The following NPAS4 variants were observed in gnomAD, a reference collection of about 807,000 sequenced individuals.
NPAS4 encodes the protein neuronal PAS domain protein 4.
A neutral mutation model predicts 64.0 loss-of-function variants in NPAS4; 10 were observed. That is an observed-to-expected ratio of 0.16 (90% confidence interval 0.10 to 0.26). The LOEUF is 0.26. Among genes scored for constraint, NPAS4 ranks in the 10% least tolerant of loss-of-function variants. The probability of loss-of-function intolerance (pLI) is 1.00; values close to 1 mark genes in which losing one functional copy is unlikely to be tolerated. For missense variants in NPAS4, 886 were observed against 992.6 expected (o/e 0.89, Z 1.44); for synonymous variants, 441 against 411.7 (o/e 1.07, Z -0.86).
Position 66,424,744 on chromosome 11 carries a change from G to A in NPAS4, c.1854G>A (p.Lys618=), listed in dbSNP as rs879464390. ...TCACACCTGAGGCCTCTCCAGTCAA[G>A]CAGAGTTTCTTCCACTACTCTGAAA... is the stretch of plus-strand genomic sequence containing the variant. The part of the protein sequence containing the change: ...GLLTPEASPV[K]QSFFHYSEKE... Residue 618 remains lysine, a synonymous_variant, in exon 7 of 8, where the codon AAG becomes AAA. Coordinates refer to ENST00000311034, the MANE Select transcript of NPAS4 (RefSeq NM_178864.4). The A allele has an allele frequency of 6.2e-7, 1 of 1,613,904 alleles. No individual in the cohort carries two copies. Among genetic ancestry groups the A allele is most frequent in the South Asian group, 1.1e-5 (1 of 91,044 alleles).
upstream of NPAS4, among the ~76,000 whole-genome samples, chr11:66,420,769 G>A (rs1329826665): frequency 6.6e-6 from 1 of 152,142 alleles, no homozygotes; most frequent in Non-Finnish European, 1.5e-5. Context: ...CTTTCCTAAC[G>A]CAGCGCCTTC....
rs1856809000 is a variant in NPAS4 at position 66,424,519 on chromosome 11, C to T, written c.1629C>T (p.Asp543=). The T allele has an allele frequency of 6.2e-7, 1 of 1,614,170 alleles. No homozygotes were observed. The highest frequency in any genetic ancestry group is 8.5e-7 in the Non-Finnish European group (1 of 1,180,034). The change falls in exon 7 of 8, where the codon GAC becomes GAT. Residue 543 remains aspartate, a synonymous_variant. Coordinates refer to ENST00000311034, the MANE Select transcript of NPAS4 (RefSeq NM_178864.4). The stretch of plus-strand genomic sequence containing the variant: ...GCACAGCATTCCAAGCACACCTGGA[C>T]AGCCCCAGCCAAACCTTCCCAGAGC... The part of the protein sequence containing the change: ...PPSTAFQAHL[D]SPSQTFPEQL...
At chr11:66,417,264 G>A (rs1336418155), upstream of NPAS4, 2 of 151,984 alleles carry the variant, frequency 1.3e-5, no homozygotes, top group East Asian at 3.9e-4. Context: ...AGTTGTGTGT[G>A]TGTGCGTGCA....
In NPAS4 at chr11:66,422,565, C is replaced by A; in HGVS notation, c.430+12C>A. 6.2e-7 allele frequency: 1 copy of A among 1,609,592 alleles called. No homozygotes were observed. The highest frequency in any genetic ancestry group is 1.1e-5 in the South Asian group (1 of 91,016). On this transcript the variant is annotated intron_variant, in intron 3 of 7. Transcript: ENST00000311034. ...TGCCCTGGACACTGGTAAGGACTCC[C>A]TTCTCCCTTCCTCGGTCCAATTTCC...
intron 1 of NPAS4, 110 bp downstream of exon 1, chr11:66,421,464 G>C: frequency 1.1e-6 from 1 of 911,562 alleles, no homozygotes; most frequent in Non-Finnish European, 1.7e-6. Flanking sequence ...CTGGCGAGCT[G>C]GGGAGATTCG....
chr11:66,420,634 C>A (rs1856726874), upstream of NPAS4, among the ~76,000 whole-genome samples: 1 of 152,250 alleles, frequency 6.6e-6, no homozygotes, highest in Non-Finnish European at 1.5e-5. Context: ...AAATTAGTGT[C>A]AGTGCCGGCC....
upstream of NPAS4, among the ~76,000 whole-genome samples, chr11:66,420,540 C>A (rs1188579768): frequency 6.6e-6 from 1 of 152,240 alleles, no homozygotes; most frequent in African/African-American, 2.4e-5. Context: ...TCCTTCCCTG[C>A]ATGTGAACGT....
At chr11:66,421,676 G>A (rs116712994) in intron 1 of NPAS4, among the ~76,000 whole-genome samples, 1,590 of 152,364 alleles carry the variant, frequency 0.01, 28 homozygotes, top group African/African-American at 0.036. Context: ...GGAAGTTGCA[G>A]GGATGGAGCT....
At chr11:66,419,293 A>G (rs1369998833), upstream of NPAS4, among the ~76,000 whole-genome samples, 6 of 152,138 alleles carry the variant, frequency 3.9e-5, no homozygotes, top group African/African-American at 9.7e-5. Flanking sequence ...GCCAAAATGC[A>G]TAAGACACCA....
the NPAS4 span, chr11:66,410,872 G>A: frequency 2.0e-5 from 3 of 152,360 alleles, no homozygotes; most frequent in Non-Finnish European, 4.4e-5. Context: ...GCTAAGAAGT[G>A]CTGGAGACAG....
chr11:66,421,125 G>C lies in NPAS4; in HGVS notation c.-55G>C. ...CGGAGGAGGAAGCCGCCGGTGCGTC[G>C]GGACGGGAGCGCAGGTGCTCGGGCA... is the stretch of plus-strand genomic sequence containing the variant. On this transcript the variant is annotated 5_prime_UTR_variant, in exon 1 of 8. Coordinates refer to ENST00000311034, the MANE Select transcript of NPAS4 (RefSeq NM_178864.4). 6.7e-7 allele frequency: 1 copy of C among 1,492,728 alleles called. No individual in the cohort carries two copies. Among genetic ancestry groups the C allele is most frequent in the South Asian group, 1.2e-5 (1 of 83,126 alleles). 92.5% of individuals were successfully genotyped at this position (1,492,728 alleles called of 1,614,324 possible). A position where few individuals can be genotyped will look rare whatever the true frequency, so the allele number is the denominator to read the frequency against.
At chr11:66,420,357 C>T (rs1223356008), upstream of NPAS4, among the ~76,000 whole-genome samples, 2 of 152,242 alleles carry the variant, frequency 1.3e-5, no homozygotes, top group African/African-American at 2.4e-5. Context: ...CCCTTTCCAC[C>T]CATCCTCGGG....
In NPAS4 at chr11:66,422,710, C is replaced by G; in HGVS notation, c.467C>G (p.Ser156Cys). ...LFRCRFNTSK[S>C]LRRQSAGNKL... Reference sequence around the variant, plus strand: ...CGCTGCCGCTTCAACACCTCCAAGTCCCTCAGGCGCCAGAGTGCAGGCAAC... The same window carrying G: ...CGCTGCCGCTTCAACACCTCCAAGTGCCTCAGGCGCCAGAGTGCAGGCAAC... Residue 156 changes from serine to cysteine, a missense_variant, in exon 4 of 8, where the codon TCC becomes TGC. By Grantham distance (112) the Ser-to-Cys change is moderately radical (BLOSUM62 -1). Coordinates refer to ENST00000311034, the MANE Select transcript of NPAS4 (RefSeq NM_178864.4). 6.2e-7 allele frequency: 1 copy of G among 1,614,050 alleles called. No individual in the cohort carries two copies. Among genetic ancestry groups the G allele is most frequent in the South Asian group, 1.1e-5 (1 of 91,088 alleles).
At chr11:66,422,382 G>A in intron 2 of NPAS4, 69 bp from the exon 3 acceptor site, 1 of 1,469,482 alleles carries the variant, frequency 6.8e-7, no homozygotes, top group Non-Finnish European at 9.5e-7. Flanking sequence ...TACCCTACAA[G>A]ATACTGTAGA....
upstream of NPAS4, among the ~76,000 whole-genome samples, chr11:66,418,102 G>A (rs538935082): frequency 7.2e-5 from 11 of 152,328 alleles, no homozygotes; most frequent in South Asian, 1.4e-3. Context: ...TTGCCCAGTA[G>A]GTTTGGCTGA....
chr11:66,415,463 T>C, the NPAS4 span, among the ~76,000 whole-genome samples: 1 of 152,222 alleles, frequency 6.6e-6, no homozygotes, highest in Non-Finnish European at 1.5e-5. Flanking sequence ...GCTTTTTCTC[T>C]AAAGGATCAA....
At chr11:66,425,401 G>C (rs1044446614) in intron 7 of NPAS4, 131 bp downstream of exon 7, 3 of 521,994 alleles carry the variant, frequency 5.7e-6, no homozygotes, top group Non-Finnish European at 9.9e-6. Flanking sequence ...CTGCTGAAGA[G>C]AGTAGCAGTG....
Position 66,423,602 on chromosome 11 carries a change from C to T in NPAS4, c.833C>T (p.Ala278Val), listed in dbSNP as rs1239054589. Residue 278 changes from alanine to valine, a missense_variant, in exon 6 of 8, where the codon GCA becomes GTA. This residue lies in a region of NPAS4 where 820 missense variants were observed against 855.5 expected (regional missense o/e 0.96). Transcript: ENST00000311034. ...GTGGCTGAGAGTGGAGATATTCAGG[C>T]AGAGATGGTGGTGAGGCTACAGGCC... The part of the protein sequence containing the change: ...RLLAESGDIQ[A>V]EMVVRLQAKT... The T allele has an allele frequency of 3.1e-6, 5 of 1,614,112 alleles. No homozygotes were observed. The highest frequency in any genetic ancestry group is 4.2e-6 in the Non-Finnish European group (5 of 1,180,006).
intron 7 of NPAS4, 129 bp downstream of exon 7, chr11:66,425,399 G>C (rs948786127): frequency 3.8e-6 from 2 of 525,118 alleles, no homozygotes; most frequent in Admixed American, 3.8e-5. Flanking sequence ...CCCTGCTGAA[G>C]AGAGTAGCAG....
Sources: allele counts gnomAD v4.1 joint callset (sites outside exome capture counted in the v4.1 genomes callset), GRCh38; gene constraint gnomAD v4.1.1; regional missense constraint gnomAD v4.1.1; transcripts MANE v1.5; gene names NCBI Gene and HGNC (gene_info 2026-07-23, HGNC 2026-07-21).